The following ATOH8 variants were observed in gnomAD, a reference collection of about 807,000 sequenced individuals.
ATOH8 encodes the protein atonal bHLH transcription factor 8, also known as transcription factor ATOH8.
ATOH8 carries 9 observed loss-of-function variants against 21.2 expected under a neutral mutation model. The observed-to-expected ratio is 0.42, with a 90% CI of 0.26 to 0.74. The LOEUF (loss-of-function observed/expected upper bound fraction) is 0.74, where lower values mean the gene tolerates loss of function less well. Among genes scored for constraint, ATOH8 ranks in the 30% least tolerant of loss-of-function variants. ATOH8 has a pLI of 0.24. For missense variants in ATOH8, 524 were observed against 470.9 expected, an observed-to-expected ratio of 1.11 and a Z score of -1.04; for synonymous variants, 253 against 224.0, an observed-to-expected ratio of 1.13 and a Z score of -1.16.
chr2:85,759,810 G>A (rs556658104), intron 1 of ATOH8, among the ~76,000 whole-genome samples: 27 of 152,230 alleles, frequency 1.8e-4, no homozygotes, highest in African/African-American at 4.6e-4. Context: ...CCAGGAGGGC[G>A]TCTTGGGCTG....
chr2:85,764,320 C>T lies in ATOH8; in HGVS notation c.960+138C>T, dbSNP rs79431173. The T allele has an allele frequency of 0.018, 20,651 of 1,127,648 alleles. 1,739 individuals are homozygous for T. In the East Asian group the frequency reaches 0.22, roughly 12 times the overall value. The allele number at this position is 1,127,648 out of a possible 1,614,324, so 69.9% of individuals were successfully genotyped here. A position where few individuals can be genotyped will look rare whatever the true frequency, so the allele number is the denominator to read the frequency against. ...CTCTTGGAGGTTTGCTGGGAGTTGC[C>T]TCAGCTTCAGTGCTCCTCAAATCCC... On this transcript the variant is annotated intron_variant, in intron 2 of 2. Transcript: ENST00000306279.
rs946423087 is a variant in ATOH8 at position 85,754,477 on chromosome 2, C to G, written c.288C>G (p.Arg96=). Reference sequence around the variant, plus strand: ...GGGGCACGGACACAGCCGGGGAGCGCGGGGGCTCTCGGGCGCCCGAGGTCT... The same window carrying G: ...GGGGCACGGACACAGCCGGGGAGCGGGGGGGCTCTCGGGCGCCCGAGGTCT... The part of the protein sequence containing the change: ...PRGGTDTAGE[R]GGSRAPEVSD... Residue 96 remains arginine (R), a synonymous_variant, in exon 1 of 3, where the codon CGC becomes CGG. Coordinates refer to ENST00000306279, the MANE Select transcript of ATOH8 (RefSeq NM_032827.7). 3.5e-6 allele frequency: 5 copies of G among 1,447,656 alleles called. No homozygotes were observed. The African/African-American group carries it at 6.0e-5, about 17-fold the overall frequency. 89.7% of individuals were successfully genotyped at this position (1,447,656 alleles called of 1,614,324 possible).
At chr2:85,761,863 T>G (rs1463486613) in intron 1 of ATOH8, among the ~76,000 whole-genome samples, 1 of 152,176 alleles carries the variant, frequency 6.6e-6, no homozygotes, top group Non-Finnish European at 1.5e-5. Context: ...CAAAGTGCAT[T>G]GTTCTGCCAG....
Position 85,754,879 on chromosome 2 carries a change from C to G in ATOH8, c.690C>G (p.Thr230=). 6.2e-7 allele frequency: 1 copy of G among 1,611,756 alleles called. No homozygotes were observed. ...ASSEIKALQQ[T]RRLLANARER... is the part of the protein sequence containing the mutation. ...CCGAGATCAAAGCCCTGCAGCAGAC[C>G]CGGAGGCTCCTGGCGAACGCCAGGG... is the stretch of plus-strand genomic sequence containing the variant. The change falls in exon 1 of 3, where the codon ACC becomes ACG. Residue 230 remains threonine (T), a synonymous_variant. Transcript: ENST00000306279.
rs577118145 is a variant in ATOH8, at chr2:85,754,151, G to A, written c.-39G>A. ...TCGGCGCTGAGCGCGGCGGCGGCCC[G>A]GGCAGCCCCACGCCCCTGCCTCGCG... On this transcript the variant is annotated 5_prime_UTR_variant, in exon 1 of 3. Transcript: ENST00000306279. The A allele has an allele frequency of 5.2e-5, 75 of 1,446,080 alleles. 2 individuals carry two copies. In the South Asian group the frequency reaches 1.0e-3, roughly 20 times the overall value. 89.6% of individuals were successfully genotyped at this position (1,446,080 alleles called of 1,614,324 possible). A position where few individuals can be genotyped will look rare whatever the true frequency, so the allele number is the denominator to read the frequency against.
At chr2:85,758,027 T>C (rs1418555071) in intron 1 of ATOH8, among the ~76,000 whole-genome samples, 1 of 152,092 alleles carries the variant, frequency 6.6e-6, no homozygotes, top group East Asian at 1.9e-4. Flanking sequence ...GCTGAGGTGA[T>C]CCACCCACCT....
chr2:85,772,365 A>G (rs895081938), intron 2 of ATOH8, among the ~76,000 whole-genome samples: 1 of 152,182 alleles, frequency 6.6e-6, no homozygotes, highest in African/African-American at 2.4e-5. Flanking sequence ...TGGTGAGTCC[A>G]TGGGAGCTCC....
intron 2 of ATOH8, chr2:85,781,137 C>T (rs1438454010): frequency 2.9e-5 from 28 of 955,136 alleles, no homozygotes; most frequent in South Asian, 9.7e-5. Context: ...GCTTGTACAG[C>T]GTAATTCCAC....
rs898116399 is a variant in ATOH8, at chr2:85,785,745, C to T, written c.961-1140C>T. Reference sequence around the variant, plus strand: ...TTCTCGGAGCCTGGGATTGCTCACTCATGAGAGGGGGGAATGGGAATGCTC... The same window carrying T: ...TTCTCGGAGCCTGGGATTGCTCACTTATGAGAGGGGGGAATGGGAATGCTC... On this transcript the variant is annotated intron_variant, in intron 2 of 2. Coordinates refer to ENST00000306279, the MANE Select transcript of ATOH8 (RefSeq NM_032827.7). The surrounding 1 kb of genome is among the most constrained non-coding windows in gnomAD (Gnocchi z 4.1). Among the ~76,000 whole-genome samples, 2 of 152,240 alleles carry T rather than the reference C, an allele frequency of 1.3e-5. No homozygotes were observed. Among genetic ancestry groups the T allele is most frequent in the African/African-American group, 2.4e-5 (1 of 41,468 alleles).
chr2:85,754,951 G>C lies in ATOH8; in HGVS notation c.762G>C (p.Arg254Ser). 1 of 1,592,458 alleles carries C rather than the reference G, an allele frequency of 6.3e-7. No individual in the cohort carries two copies. The highest frequency in any genetic ancestry group is 8.5e-7 in the Non-Finnish European group (1 of 1,174,168). The change falls in exon 1 of 3, where the codon AGG (arginine) becomes AGC (serine). Residue 254 changes from arginine to serine, a missense_variant. Arg to Ser is a moderately radical substitution (Grantham distance 110). Coordinates refer to ENST00000306279, the MANE Select transcript of ATOH8 (RefSeq NM_032827.7). ...HTISAAFEAL[R>S]KQVPCYSYGQ... ...TCAGCGCAGCCTTCGAGGCGCTCAGGAAGCAGGTACCCGCTCGCCGCCGCA... is the reference window on the plus strand; with the variant it reads ...TCAGCGCAGCCTTCGAGGCGCTCAGCAAGCAGGTACCCGCTCGCCGCCGCA...
At chr2:85,757,612 A>T (rs1222126642) in intron 1 of ATOH8, among the ~76,000 whole-genome samples, 2 of 152,076 alleles carry the variant, frequency 1.3e-5, no homozygotes, top group East Asian at 3.9e-4. Flanking sequence ...CCAGGCATTG[A>T]GTTGTTCCTC....
chr2:85,757,023 G>A (rs1251587919), intron 1 of ATOH8, among the ~76,000 whole-genome samples: 1 of 152,220 alleles, frequency 6.6e-6, no homozygotes, highest in East Asian at 1.9e-4. Flanking sequence ...GGGAGAGCGT[G>A]TGTATGCAAT....
intron 1 of ATOH8, 37 bp downstream of exon 1, chr2:85,754,994 G>C (rs1453807540): frequency 1.3e-6 from 2 of 1,547,194 alleles, no homozygotes; most frequent in Non-Finnish European, 1.7e-6. Flanking sequence ...ACTGCGCCGG[G>C]GGACGACTGC....
chr2:85,781,394 CCG>C (rs200597115), intron 2 of ATOH8, among the ~76,000 whole-genome samples: 1 of 150,824 alleles, frequency 6.6e-6, no homozygotes, highest in African/African-American at 2.5e-5. Context: ...TGGTGAAACC[CCG>C]TCTCTACTAA....
chr2:85,772,503 C>T (rs974610483), intron 2 of ATOH8: 12 of 345,882 alleles, frequency 3.5e-5, no homozygotes, highest in Non-Finnish European at 5.6e-5. Flanking sequence ...AGGGAAAGCA[C>T]GCGAGCTGGA....
rs1415102010 is a variant in ATOH8, at chr2:85,785,361, C to T, written c.961-1524C>T. ...AAAGCAGATTCCTGCTGGGGCCAGC[C>T]ATGCACAGTGGGCTTGGAGAATGTG... On this transcript the variant is annotated intron_variant, in intron 2 of 2. Coordinates refer to ENST00000306279, the MANE Select transcript of ATOH8 (RefSeq NM_032827.7). This position sits in a 1 kb window ranked among gnomAD's most constrained non-coding sequence, Gnocchi z 4.1. Among the ~76,000 whole-genome samples, 2 of 152,380 alleles carry T rather than the reference C, an allele frequency of 1.3e-5. No individual in the cohort carries two copies. Among genetic ancestry groups the T allele is most frequent in the Non-Finnish European group, 2.9e-5 (2 of 68,028 alleles).
intron 2 of ATOH8, among the ~76,000 whole-genome samples, chr2:85,765,317 C>A (rs554510962): frequency 1.3e-5 from 2 of 152,362 alleles, no homozygotes; most frequent in Non-Finnish European, 2.9e-5. Flanking sequence ...GCAGGCCCCT[C>A]TGTGGGTTCT....
chr2:85,787,192 T>C lies in ATOH8; in HGVS notation c.*302T>C. 2.4e-6 allele frequency: 1 copy of C among 420,376 alleles called. No individual in the cohort carries two copies. Among genetic ancestry groups the C allele is most frequent in the South Asian group, 5.9e-5 (1 of 17,004 alleles). 26.0% of individuals were successfully genotyped at this position (420,376 alleles called of 1,614,324 possible). A position where few individuals can be genotyped will look rare whatever the true frequency, so the allele number is the denominator to read the frequency against. Reference sequence around the variant, plus strand: ...AGCTGCAGAAATTCGTTGCCAAAGATTGGACAGAGACACCGAAGGAAATGG... The same window carrying C: ...AGCTGCAGAAATTCGTTGCCAAAGACTGGACAGAGACACCGAAGGAAATGG... On this transcript the variant is annotated 3_prime_UTR_variant, in exon 3 of 3. Transcript: ENST00000306279.
At chr2:85,781,101 A>G (rs1444523556) in intron 2 of ATOH8, 1 of 987,230 alleles carries the variant, frequency 1.0e-6, no homozygotes, top group Non-Finnish European at 1.2e-6. Context: ...AGTGTTAAAG[A>G]AAACACCAGT....
Sources: gnomAD v4.1 joint callset for allele counts (sites outside exome capture counted in the v4.1 genomes callset) on GRCh38, gnomAD v4.1.1 for gene constraint, Gnocchi (gnomAD v3.1) non-coding constraint, MANE v1.5 for transcripts, NCBI Gene and HGNC (gene_info 2026-07-23, HGNC 2026-07-21) for gene names.